WWOX: variants seen among roughly 807,000 people sequenced by gnomAD.
WWOX encodes WW domain-containing oxidoreductase.
WWOX carries 69 observed loss-of-function variants against 46.2 expected under a neutral mutation model. The ratio of observed to expected loss-of-function variants is 1.49; its 90% CI spans 1.23 to 1.82. The LOEUF (loss-of-function observed/expected upper bound fraction) is 1.82. Among genes scored for constraint, WWOX ranks in the 40% most tolerant of loss-of-function variants. WWOX has a pLI of 0.00. For missense variants in WWOX, 919 were observed against 542.6 expected, an observed-to-expected ratio of 1.69 and a Z score of -6.89; for synonymous variants, 359 against 202.6, an observed-to-expected ratio of 1.77 and a Z score of -6.56.
In WWOX at chr16:79,123,682, A is replaced by T. The variant is rs546117302; in HGVS notation, c.1057-87926A>T. On this transcript the variant is annotated intron_variant, in intron 8 of 8. Transcript: ENST00000566780. Reference sequence around the variant, plus strand: ...TCTTTCTCACCCACAGCCAATTGCAATCTGGACCCTTTACCTGTCAGCTGT... The same window carrying T: ...TCTTTCTCACCCACAGCCAATTGCATTCTGGACCCTTTACCTGTCAGCTGT... Among the ~76,000 whole-genome samples the T allele has an allele frequency of 5.9e-5, 9 of 152,138 alleles. No homozygotes were observed. The South Asian group carries it at 6.2e-4, about 11-fold the overall frequency.
In WWOX at chr16:78,767,744, A is replaced by G. The variant is rs2049959241; in HGVS notation, c.1056+334992A>G. 3.9e-5 allele frequency among the ~76,000 whole-genome samples: 6 copies of G among 152,140 alleles called. No individual in the cohort carries two copies. The South Asian group carries it at 1.2e-3, about 32-fold the overall frequency. ...ACCCAATACTTATTTTACTTAAAAA[A>G]ATAGAATAGCCATCTGAGTGAAGTG... On this transcript the variant is annotated intron_variant, in intron 8 of 8. Transcript: ENST00000566780.
At chr16:79,112,769 A>G (rs778970663) in intron 8 of WWOX, among the ~76,000 whole-genome samples, 4 of 152,200 alleles carry the variant, frequency 2.6e-5, no homozygotes, top group African/African-American at 9.7e-5. Context: ...CAGGAGAGAA[A>G]TCATCTAGTT....
intron 8 of WWOX, among the ~76,000 whole-genome samples, chr16:78,854,586 CT>C (rs1046420969): frequency 6.6e-6 from 1 of 152,002 alleles, no homozygotes; most frequent in African/African-American, 2.4e-5. Flanking sequence ...TAATTTGTTT[CT>C]TTTTTTTCTT....
chr16:78,549,209 C>T (rs1190459146), intron 8 of WWOX, among the ~76,000 whole-genome samples: 2 of 152,142 alleles, frequency 1.3e-5, no homozygotes, highest in Non-Finnish European at 2.9e-5. Context: ...GAATCAAAGG[C>T]AGAATTAAAA....
At chr16:78,685,244 A>C (rs1013590610) in intron 8 of WWOX, among the ~76,000 whole-genome samples, 14 of 152,256 alleles carry the variant, frequency 9.2e-5, no homozygotes, top group Non-Finnish European at 1.8e-4. Flanking sequence ...TGGTAGAGTC[A>C]AGTGTTTGGT....
At chr16:78,836,439 C>G (rs191461607) in intron 8 of WWOX, among the ~76,000 whole-genome samples, 1 of 152,194 alleles carries the variant, frequency 6.6e-6, no homozygotes, top group African/African-American at 2.4e-5. Context: ...CAAGGACATA[C>G]TACTGTGGAC....
intron 8 of WWOX, among the ~76,000 whole-genome samples, chr16:79,065,526 A>G (rs2048425617): frequency 6.6e-6 from 1 of 152,166 alleles, no homozygotes; most frequent in Non-Finnish European, 1.5e-5. Flanking sequence ...GTGGGTCATC[A>G]AAATGCAAAA....
chr16:78,485,772 C>G (rs2084619820), intron 8 of WWOX, among the ~76,000 whole-genome samples: 2 of 152,232 alleles, frequency 1.3e-5, no homozygotes, highest in Non-Finnish European at 2.9e-5. Context: ...GGATCCCTCT[C>G]CCCAGCATGG....
chr16:78,478,773 A>G lies in WWOX; in HGVS notation c.1056+46021A>G, dbSNP rs534423448. On this transcript the variant is annotated intron_variant, in intron 8 of 8. Coordinates refer to ENST00000566780, the MANE Select transcript of WWOX (RefSeq NM_016373.4). ...TGTGCTCAGCAATCTAGCAGTTCAA[A>G]CTAGACAGCTGGTTCTGGTGGTGAG... Among the ~76,000 whole-genome samples the G allele has an allele frequency of 2.8e-4, 42 of 152,318 alleles. 1 individual carries two copies. Among genetic ancestry groups the G allele is most frequent in the Non-Finnish European group, 4.0e-4 (27 of 68,014 alleles).
intron 8 of WWOX, among the ~76,000 whole-genome samples, chr16:78,649,087 C>T (rs1166932879): frequency 6.6e-6 from 1 of 152,140 alleles, no homozygotes; most frequent in East Asian, 1.9e-4. Flanking sequence ...GATTCTCCTG[C>T]CTCAGTCTCC....
intron 8 of WWOX, among the ~76,000 whole-genome samples, chr16:78,606,592 C>T (rs369385022): frequency 1.1e-4 from 17 of 152,062 alleles, no homozygotes; most frequent in African/African-American, 3.4e-4. Context: ...TGCCACATTC[C>T]GCAGGAATAA....
intron 5 of WWOX, among the ~76,000 whole-genome samples, chr16:78,232,425 AG>A (rs1567444709): frequency 6.6e-6 from 1 of 152,128 alleles, no homozygotes; most frequent in African/African-American, 2.4e-5. Context: ...TTCCCTCCCC[AG>A]TAGTTGTGAA....
At chr16:78,894,207 T>C (rs1208202156) in intron 8 of WWOX, among the ~76,000 whole-genome samples, 1 of 152,068 alleles carries the variant, frequency 6.6e-6, no homozygotes, top group African/African-American at 2.4e-5. Flanking sequence ...CAATTGTTAA[T>C]GTTCACTTTT....
At chr16:78,677,386 T>G (rs1398791291) in intron 8 of WWOX, among the ~76,000 whole-genome samples, 1 of 152,222 alleles carries the variant, frequency 6.6e-6, no homozygotes, top group East Asian at 1.9e-4. Flanking sequence ...AATTTTGGCC[T>G]GCATCCTGTT....
Position 78,346,181 on chromosome 16 carries a change from C to T in WWOX, c.517-40679C>T, listed in dbSNP as rs1470623786. 2.5e-5 allele frequency among the ~76,000 whole-genome samples: 3 copies of T among 121,048 alleles called. No homozygotes were observed. In the East Asian group the frequency reaches 5.8e-4, roughly 23 times the overall value. 79.4% of individuals were successfully genotyped at this position (121,048 alleles called of 152,430 possible). A position where few individuals can be genotyped will look rare whatever the true frequency, so the allele number is the denominator to read the frequency against. On this transcript the variant is annotated intron_variant, in intron 5 of 8. Transcript: ENST00000566780. ...TTCCACATAATTACCTTGGGATGTA[C>T]CCATACTGCTGCCTGTATCAGTGGC...
chr16:78,590,390 C>G (rs373627692), intron 8 of WWOX, among the ~76,000 whole-genome samples: 1 of 151,998 alleles, frequency 6.6e-6, no homozygotes, highest in Non-Finnish European at 1.5e-5. Flanking sequence ...GAAGACAGAT[C>G]CAAGATGGTG....
At chr16:78,787,985 C>A (rs752794513) in intron 8 of WWOX, among the ~76,000 whole-genome samples, 14 of 152,202 alleles carry the variant, frequency 9.2e-5, no homozygotes, top group Non-Finnish European at 1.8e-4. Context: ...CAGTTTTTAA[C>A]TGGGTCATCT....
chr16:78,124,722 A>T (rs1303787040), intron 4 of WWOX, among the ~76,000 whole-genome samples: 1 of 152,128 alleles, frequency 6.6e-6, no homozygotes, highest in Non-Finnish European at 1.5e-5. Flanking sequence ...TTTAAATCTA[A>T]TTGTTTTAAG....
intron 8 of WWOX, among the ~76,000 whole-genome samples, chr16:79,175,009 C>T (rs1167016560): frequency 1.3e-5 from 2 of 152,146 alleles, no homozygotes; most frequent in South Asian, 2.1e-4. Flanking sequence ...CCTCAGCATA[C>T]CGTGTCTTAT....
Sources: allele counts gnomAD v4.1 joint callset (sites outside exome capture counted in the v4.1 genomes callset), GRCh38; gene constraint gnomAD v4.1.1; transcripts MANE v1.5; gene names NCBI Gene and HGNC (gene_info 2026-07-23, HGNC 2026-07-21).